Variants in RALYL observed in about 807,000 individuals in gnomAD.
RALYL encodes the protein RNA-binding Raly-like protein.
A neutral mutation model predicts 35.1 loss-of-function variants in RALYL; 29 were observed. The ratio of observed to expected loss-of-function variants is 0.83; its 90% CI spans 0.61 to 1.13. The LOEUF (loss-of-function observed/expected upper bound fraction) is 1.13. RALYL is among the 50% of genes most tolerant of loss of function. The pLI, the probability that RALYL is intolerant of heterozygous loss-of-function variation, is 0.00. For missense variants in RALYL, 359 were observed against 360.4 expected (o/e 1.00, Z 0.03); for synonymous variants, 120 against 127.6 (o/e 0.94, Z 0.40).
At chr8:84,417,044 A>AT (rs2044791064) in intron 1 of RALYL, among the ~76,000 whole-genome samples, 1 of 151,702 alleles carries the variant, frequency 6.6e-6, no homozygotes, top group African/African-American at 2.4e-5. Context: ...ATATTATGGA[A>AT]TGTCTACCTT....
At chr8:84,839,566 A>T (rs1468738574) in intron 4 of RALYL, among the ~76,000 whole-genome samples, 1 of 152,250 alleles carries the variant, frequency 6.6e-6, no homozygotes, top group Non-Finnish European at 1.5e-5. Flanking sequence ...AACAAAAGGC[A>T]GCAGAATCCT....
At chr8:84,303,711 A>C (rs1009041039) in intron 1 of RALYL, among the ~76,000 whole-genome samples, 1 of 152,164 alleles carries the variant, frequency 6.6e-6, no homozygotes, top group Non-Finnish European at 1.5e-5. Context: ...AACTGGTATA[A>C]TTTAATTTCT....
intron 2 of RALYL, among the ~76,000 whole-genome samples, chr8:84,683,031 G>T (rs1458690874): frequency 6.6e-6 from 1 of 152,022 alleles, no homozygotes; most frequent in East Asian, 1.9e-4. Flanking sequence ...CAGAGATTCT[G>T]GTATGTTGTG....
intron 1 of RALYL, among the ~76,000 whole-genome samples, chr8:84,422,325 T>C (rs1475533789): frequency 8.3e-6 from 1 of 121,076 alleles, no homozygotes; most frequent in Non-Finnish European, 1.7e-5. Flanking sequence ...GATTTTCTAG[T>C]TTATTTGCGT....
intron 7 of RALYL, among the ~76,000 whole-genome samples, chr8:84,880,725 AC>A (rs1842040905): frequency 6.6e-6 from 1 of 152,032 alleles, no homozygotes; most frequent in Non-Finnish European, 1.5e-5. Flanking sequence ...TAGTGATTTT[AC>A]CAAGTGATAC....
intron 1 of RALYL, among the ~76,000 whole-genome samples, chr8:84,485,396 A>G (rs1474014882): frequency 6.6e-6 from 1 of 152,030 alleles, no homozygotes; most frequent in Non-Finnish European, 1.5e-5. Flanking sequence ...TGAGTCCAGC[A>G]TGGCAAAACC....
intron 8 of RALYL, among the ~76,000 whole-genome samples, chr8:84,917,913 T>C (rs1222105318): frequency 6.6e-6 from 1 of 151,928 alleles, no homozygotes; most frequent in East Asian, 1.9e-4. Context: ...GAATTGTATC[T>C]CATTTAGAAT....
chr8:84,803,322 C>T (rs1175399202), intron 3 of RALYL, among the ~76,000 whole-genome samples: 1 of 152,148 alleles, frequency 6.6e-6, no homozygotes, highest in Non-Finnish European at 1.5e-5. Flanking sequence ...GTAGAATCCC[C>T]CTCATTTCTT....
chr8:84,455,901 T>C (rs751854794), intron 1 of RALYL, among the ~76,000 whole-genome samples: 16 of 152,026 alleles, frequency 1.1e-4, no homozygotes, highest in Non-Finnish European at 2.1e-4. Flanking sequence ...CCTAGAATCT[T>C]CCTGGTTTCA....
intron 1 of RALYL, among the ~76,000 whole-genome samples, chr8:84,509,011 T>C (rs193155381): frequency 6.6e-6 from 1 of 152,306 alleles, no homozygotes; most frequent in Admixed American, 6.5e-5. Flanking sequence ...TTTCTGCTTA[T>C]ACTTTTGCTT....
chr8:84,229,456 C>T (rs2131407685), intron 1 of RALYL, among the ~76,000 whole-genome samples: 1 of 152,288 alleles, frequency 6.6e-6, no homozygotes, highest in Non-Finnish European at 1.5e-5. Flanking sequence ...TAACCAATTG[C>T]TACTTGTGTT....
At chr8:84,564,255 C>G (rs2061641314) in intron 2 of RALYL, among the ~76,000 whole-genome samples, 1 of 151,644 alleles carries the variant, frequency 6.6e-6, no homozygotes, top group Admixed American at 6.6e-5. Flanking sequence ...AAATAGAAGT[C>G]TTAGAAAGCA....
At chr8:84,586,191 C>T (rs1386302669) in intron 2 of RALYL, among the ~76,000 whole-genome samples, 3 of 145,446 alleles carry the variant, frequency 2.1e-5, no homozygotes, top group Non-Finnish European at 4.5e-5. Context: ...TGAGATGCGT[C>T]TCAAAAAAAA....
chr8:84,540,339 A>G (rs115351118), intron 2 of RALYL, among the ~76,000 whole-genome samples: 2,323 of 146,526 alleles, frequency 0.016, 56 homozygotes, highest in African/African-American at 0.053. Flanking sequence ...GTGTGTGTGT[A>G]TGTGTAAACT....
At chr8:84,722,649 G>T (rs3068026) in intron 2 of RALYL, among the ~76,000 whole-genome samples, 8 of 99,772 alleles carry the variant, frequency 8.0e-5, no homozygotes, top group Admixed American at 5.7e-4. Context: ...ATATATATAT[G>T]TATGTATATA....
intron 7 of RALYL, among the ~76,000 whole-genome samples, chr8:84,884,481 AATT>A (rs1182457656): frequency 6.6e-6 from 1 of 150,712 alleles, no homozygotes; most frequent in Non-Finnish European, 1.5e-5. Context: ...CTAGAGAAAA[AATT>A]ATATATACAT....
chr8:84,903,572 A>G (rs904204374), intron 8 of RALYL, among the ~76,000 whole-genome samples: 1 of 152,134 alleles, frequency 6.6e-6, no homozygotes, highest in African/African-American at 2.4e-5. Context: ...CTGCCTGCCC[A>G]GGAGGTAACT....
intron 1 of RALYL, among the ~76,000 whole-genome samples, chr8:84,284,439 T>C (rs1447386757): frequency 6.6e-6 from 1 of 152,192 alleles, no homozygotes; most frequent in Non-Finnish European, 1.5e-5. Flanking sequence ...AATAGTGACA[T>C]TGGTGTTTTG....
Position 84,379,327 on chromosome 8 carries a change from G to A in RALYL, c.-23-149972G>A, listed in dbSNP as rs181863555. ...ATTAGGCCTAGATCGTTTTTCACAG[G>A]TTTAAATGCAGTGGTTTATGTTCCC... On this transcript the variant is annotated intron_variant, in intron 1 of 8. Transcript: ENST00000521268. 2.0e-3 allele frequency among the ~76,000 whole-genome samples: 298 copies of A among 151,962 alleles called. 5 individuals are homozygous for A. Among genetic ancestry groups the A allele is most frequent in the Admixed American group, 0.017 (262 of 15,212 alleles).
Sources: gnomAD v4.1 joint callset for allele counts (sites outside exome capture counted in the v4.1 genomes callset) on GRCh38, gnomAD v4.1.1 for gene constraint, MANE v1.5 for transcripts, NCBI Gene and HGNC (gene_info 2026-07-23, HGNC 2026-07-21) for gene names.